The following STIM2 variants were observed in gnomAD, a reference collection of about 807,000 sequenced individuals.
STIM2 encodes stromal interaction molecule 2.
In STIM2, 31 loss-of-function variants were observed where a neutral mutation model predicts 85.8. That is an observed-to-expected ratio of 0.36 (90% confidence interval 0.27 to 0.49). The LOEUF (loss-of-function observed/expected upper bound fraction) is 0.49. STIM2 is among the 20% of genes least tolerant of loss of function. STIM2 has a pLI of 0.98. For missense variants in STIM2, 841 were observed against 927.6 expected (o/e 0.91, Z 1.21); for synonymous variants, 356 against 331.1 (o/e 1.08, Z -0.82).
chr4:26,999,024 A>T (rs1236492159), intron 4 of STIM2, among the ~76,000 whole-genome samples: 1 of 152,144 alleles, frequency 6.6e-6, no homozygotes, highest in African/African-American at 2.4e-5. Flanking sequence ...AATTATTAAC[A>T]TACAGGAGTC....
At chr4:26,989,301 C>T (rs1727683369) in intron 3 of STIM2, among the ~76,000 whole-genome samples, 1 of 152,100 alleles carries the variant, frequency 6.6e-6, no homozygotes, top group Non-Finnish European at 1.5e-5. Flanking sequence ...GATGCAAGGA[C>T]TGTTCAACAC....
rs982559604 is a variant in STIM2, at chr4:26,999,376, A to C, written c.625+29A>C. 4 of 1,350,530 alleles carry C rather than the reference A, an allele frequency of 3.0e-6. No individual in the cohort carries two copies. In the African/African-American group the frequency reaches 4.4e-5, roughly 15 times the overall value. The allele number at this position is 1,350,530 out of a possible 1,614,324, so 83.7% of individuals were successfully genotyped here. ...AGTATTCTCTCTCACTCAGAGGATG[A>C]TGTAAAAGAATATCCTGATCATCTC... is the stretch of plus-strand genomic sequence containing the variant. On this transcript the variant is annotated intron_variant, in intron 5 of 11. Transcript: ENST00000467087.
At chr4:26,876,666 A>G (rs960120576) in intron 1 of STIM2, among the ~76,000 whole-genome samples, 1 of 152,152 alleles carries the variant, frequency 6.6e-6, no homozygotes, top group Non-Finnish European at 1.5e-5. Context: ...GTACTTGCTG[A>G]AAATTGACAG....
At chr4:26,947,372 CGT>C (rs1240354164) in intron 2 of STIM2, among the ~76,000 whole-genome samples, 3 of 152,056 alleles carry the variant, frequency 2.0e-5, no homozygotes, top group Non-Finnish European at 4.4e-5. Context: ...CATATCGAAA[CGT>C]ATTACATTTT....
In STIM2 at chr4:26,916,220, A is replaced by G. The variant is rs576522396; in HGVS notation, c.152-3284A>G. Among the ~76,000 whole-genome samples, 7 of 152,358 alleles carry G rather than the reference A, an allele frequency of 4.6e-5. No individual in the cohort carries two copies. In the East Asian group the frequency reaches 9.6e-4, roughly 21 times the overall value. On this transcript the variant is annotated intron_variant, in intron 1 of 11. Coordinates refer to ENST00000467087, the MANE Select transcript of STIM2 (RefSeq NM_020860.4). ...AGAGTTCAGAATTCACAGCTATTCT[A>G]AATTAGATTTGTAAAAGCCTTGAGT...
At chr4:27,005,299 C>G (rs930103427) in intron 7 of STIM2, among the ~76,000 whole-genome samples, 1 of 152,092 alleles carries the variant, frequency 6.6e-6, no homozygotes, top group Admixed American at 6.5e-5. Flanking sequence ...GTAGTTTTCA[C>G]AAATTAATTT....
intron 3 of STIM2, among the ~76,000 whole-genome samples, chr4:26,992,033 G>T (rs1398338446): frequency 1.3e-5 from 2 of 152,074 alleles, no homozygotes; most frequent in Admixed American, 6.6e-5. Context: ...TAAAAGATCA[G>T]TGAGAGGCAG....
intron 3 of STIM2, among the ~76,000 whole-genome samples, chr4:26,981,515 A>G (rs1204837284): frequency 6.6e-6 from 1 of 152,230 alleles, no homozygotes; most frequent in African/African-American, 2.4e-5. Context: ...TTGCAGGACC[A>G]GAGCAAATAA....
At chr4:26,891,250 A>C (rs1168443893) in intron 1 of STIM2, among the ~76,000 whole-genome samples, 1 of 152,188 alleles carries the variant, frequency 6.6e-6, no homozygotes, top group Non-Finnish European at 1.5e-5. Context: ...GCCCTTGATG[A>C]TATGAGTGGG....
At chr4:26,868,894 CT>C (rs1722503388) in intron 1 of STIM2, among the ~76,000 whole-genome samples, 1 of 152,164 alleles carries the variant, frequency 6.6e-6, no homozygotes, top group African/African-American at 2.4e-5. Context: ...CTCGCCGTTT[CT>C]TTCTTCTGGG....
At chr4:26,887,036 T>G (rs1212924001) in intron 1 of STIM2, among the ~76,000 whole-genome samples, 5 of 152,136 alleles carry the variant, frequency 3.3e-5, no homozygotes, top group Non-Finnish European at 5.9e-5. Context: ...TCAAGTTCAT[T>G]GTTATATGAA....
chr4:26,973,230 C>CT (rs1019094966), intron 3 of STIM2, among the ~76,000 whole-genome samples: 10 of 152,066 alleles, frequency 6.6e-5, no homozygotes, highest in Non-Finnish European at 1.2e-4. Flanking sequence ...TTTTTTGTGT[C>CT]TATCTTTTTC....
intron 3 of STIM2, among the ~76,000 whole-genome samples, chr4:26,967,996 T>A (rs1169693198): frequency 6.6e-6 from 1 of 151,966 alleles, no homozygotes; most frequent in Non-Finnish European, 1.5e-5. Context: ...AAAGTGAGAC[T>A]CCATCTCAAC....
intron 1 of STIM2, among the ~76,000 whole-genome samples, chr4:26,881,998 T>C (rs1723031945): frequency 6.6e-6 from 1 of 152,224 alleles, no homozygotes; most frequent in Non-Finnish European, 1.5e-5. Context: ...TCTGGAAGGA[T>C]TGTGTTTTTG....
At chr4:26,911,778 A>G (rs1336752898) in intron 1 of STIM2, among the ~76,000 whole-genome samples, 2 of 152,204 alleles carry the variant, frequency 1.3e-5, no homozygotes, top group Admixed American at 6.5e-5. Context: ...GTAACAGGTA[A>G]CATGTATAAA....
intron 1 of STIM2, among the ~76,000 whole-genome samples, chr4:26,885,993 G>C (rs1723233687): frequency 6.6e-6 from 1 of 151,076 alleles, no homozygotes; most frequent in South Asian, 2.1e-4. Flanking sequence ...TTAGATACTT[G>C]AGTTTTAAGA....
intron 2 of STIM2, among the ~76,000 whole-genome samples, chr4:26,941,856 T>C (rs904653381): frequency 2.0e-5 from 3 of 152,280 alleles, no homozygotes; most frequent in African/African-American, 7.2e-5. Context: ...AGATTTTAGG[T>C]GTATAGTTTG....
rs190213074 is a variant in STIM2 at position 26,975,199 on chromosome 4, C to T, written c.397+17473C>T. 7.2e-5 allele frequency among the ~76,000 whole-genome samples: 11 copies of T among 152,238 alleles called. No individual in the cohort carries two copies. The East Asian group carries it at 1.2e-3, about 16-fold the overall frequency. Reference sequence around the variant, plus strand: ...TGGGTTCGAACATCCTGCATTAGCTCGGAGAAGTTTGTTATTACCGACCTT... The same window carrying T: ...TGGGTTCGAACATCCTGCATTAGCTTGGAGAAGTTTGTTATTACCGACCTT... On this transcript the variant is annotated intron_variant, in intron 3 of 11. Coordinates refer to ENST00000467087, the MANE Select transcript of STIM2 (RefSeq NM_020860.4).
At chr4:26,904,074 C>T (rs949583260) in intron 1 of STIM2, among the ~76,000 whole-genome samples, 1 of 150,652 alleles carries the variant, frequency 6.6e-6, no homozygotes. Context: ...TTAGGTATCT[C>T]TCCTAATGCT....
Sources: gnomAD v4.1 joint callset for allele counts (sites outside exome capture counted in the v4.1 genomes callset) on GRCh38, gnomAD v4.1.1 for gene constraint, MANE v1.5 for transcripts, NCBI Gene and HGNC (gene_info 2026-07-23, HGNC 2026-07-21) for gene names.